RALYL: variants seen among roughly 807,000 people sequenced by gnomAD.
The protein encoded by RALYL is RALY RNA binding protein like, also known as RNA-binding Raly-like protein.
Under a neutral mutation model 35.1 loss-of-function variants are expected in RALYL, and 29 were observed. That is an observed-to-expected ratio of 0.83 (90% CI 0.61 to 1.13). The LOEUF is 1.13. RALYL is among the 50% of genes most tolerant of loss of function. The pLI, the probability that RALYL is intolerant of heterozygous loss-of-function variation, is 0.00. For synonymous variants in RALYL, 120 were observed against 127.6 expected (o/e 0.94, Z 0.40); for missense variants, 359 against 360.4 (o/e 1.00, Z 0.03).
rs1340968779 is a variant in RALYL, at chr8:84,585,077, T to C, written c.256+55500T>C. The stretch of plus-strand genomic sequence containing the variant: ...CCTCACTTGACGTGAGACTTTTAGG[T>C]CAACCTTCTCCCAGCATATGTGCTT... On this transcript the variant is annotated intron_variant, in intron 2 of 8. Coordinates refer to ENST00000521268, the MANE Select transcript of RALYL (RefSeq NM_173848.7). Among the ~76,000 whole-genome samples the C allele has an allele frequency of 2.6e-5, 4 of 152,234 alleles. No individual in the cohort carries two copies. The East Asian group carries it at 7.7e-4, about 29-fold the overall frequency.
chr8:84,306,223 CA>C, intron 1 of RALYL, among the ~76,000 whole-genome samples: 1 of 151,330 alleles, frequency 6.6e-6, no homozygotes, highest in East Asian at 1.9e-4. Context: ...TAATAGTGTT[CA>C]AAATAAGTCT....
At chr8:84,296,921 G>A (rs147034693) in intron 1 of RALYL, among the ~76,000 whole-genome samples, 2,761 of 151,794 alleles carry the variant, frequency 0.018, 37 homozygotes, top group South Asian at 0.029. Flanking sequence ...GTAAATGTAC[G>A]TATGAGAGAG....
intron 8 of RALYL, among the ~76,000 whole-genome samples, chr8:84,891,096 G>A (rs868214514): frequency 6.6e-6 from 1 of 152,172 alleles, no homozygotes; most frequent in East Asian, 1.9e-4. Context: ...TGTTCTATGG[G>A]AGGGAGTGAT....
In RALYL at chr8:84,887,733, A is replaced by C; in HGVS notation, c.815A>C (p.Asp272Ala). 1 of 1,613,874 alleles carries C rather than the reference A, an allele frequency of 6.2e-7. No homozygotes were observed. ...GATGCCGATGGAGAAGAGATGACAG[A>C]TGGGATAGAGGAGGACTTCGATGAA... ...GPDADGEEMT[D>A]GIEEDFDEDG... The change falls in exon 8 of 9, where the codon GAT (aspartate) becomes GCT (alanine). Residue 272 changes from aspartate (D) to alanine (A), a missense_variant. Asp to Ala is a moderately radical substitution (Grantham distance 126). Coordinates refer to ENST00000521268, the MANE Select transcript of RALYL (RefSeq NM_173848.7).
intron 1 of RALYL, among the ~76,000 whole-genome samples, chr8:84,239,602 G>A (rs577802801): frequency 3.5e-4 from 54 of 152,154 alleles, no homozygotes; most frequent in South Asian, 1.2e-3. Flanking sequence ...TTAAGACAGC[G>A]TGGCTCGGTG....
chr8:84,438,527 T>C (rs2047980177), intron 1 of RALYL, among the ~76,000 whole-genome samples: 1 of 152,128 alleles, frequency 6.6e-6, no homozygotes, highest in Non-Finnish European at 1.5e-5. Context: ...TAGATGGGAC[T>C]ACAGGCATAG....
Position 84,769,360 on chromosome 8 carries a change from T to C in RALYL, c.257-5219T>C, listed in dbSNP as rs1001748741. Among the ~76,000 whole-genome samples, 10 of 152,290 alleles carry C rather than the reference T, an allele frequency of 6.6e-5. No homozygotes were observed. In the East Asian group the frequency reaches 1.9e-3, roughly 29 times the overall value. ...ACTCAAATCAGCTTTGAAGCTCTAA[T>C]GGGGTTTCTAATGATCTTCTCACAC... On this transcript the variant is annotated intron_variant, in intron 2 of 8. Transcript: ENST00000521268.
chr8:84,215,188 A>G (rs1820501394), intron 1 of RALYL, among the ~76,000 whole-genome samples: 1 of 152,150 alleles, frequency 6.6e-6, no homozygotes, highest in Non-Finnish European at 1.5e-5. Flanking sequence ...AAAAAGTTCA[A>G]TACTACAACC....
At chr8:84,486,226 C>A (rs1401662926) in intron 1 of RALYL, among the ~76,000 whole-genome samples, 2 of 149,908 alleles carry the variant, frequency 1.3e-5, no homozygotes, top group Admixed American at 6.7e-5. Flanking sequence ...ATCAGAATAG[C>A]CAGGAAATAA....
intron 1 of RALYL, among the ~76,000 whole-genome samples, chr8:84,332,272 T>A (rs1215271377): frequency 6.6e-6 from 1 of 152,192 alleles, no homozygotes; most frequent in Non-Finnish European, 1.5e-5. Context: ...TCACATTACC[T>A]TTCTTTGTTT....
intron 2 of RALYL, among the ~76,000 whole-genome samples, chr8:84,656,718 TGTTAAA>T (rs1466598227): frequency 2.6e-5 from 4 of 151,882 alleles, no homozygotes; most frequent in Non-Finnish European, 2.9e-5. Context: ...TTAGAGTAAT[TGTTAAA>T]GTTAAAGCAT....
intron 2 of RALYL, among the ~76,000 whole-genome samples, chr8:84,639,934 T>A (rs1311891814): frequency 6.6e-6 from 1 of 152,042 alleles, no homozygotes; most frequent in Admixed American, 6.6e-5. Context: ...TACTGTGATG[T>A]GATCTTGGCT....
At chr8:84,830,228 C>T (rs924998297) in intron 4 of RALYL, among the ~76,000 whole-genome samples, 28 of 151,982 alleles carry the variant, frequency 1.8e-4, no homozygotes, top group Admixed American at 8.5e-4. Context: ...AAAAACCCTG[C>T]GAGTATTAAT....
intron 1 of RALYL, among the ~76,000 whole-genome samples, chr8:84,205,327 C>T (rs1326451869): frequency 6.6e-6 from 1 of 152,052 alleles, no homozygotes; most frequent in Non-Finnish European, 1.5e-5. Flanking sequence ...TTTAGTTTTT[C>T]AAGGTCAAAT....
chr8:84,430,282 C>T (rs1310760757), intron 1 of RALYL, among the ~76,000 whole-genome samples: 2 of 152,064 alleles, frequency 1.3e-5, no homozygotes, highest in Non-Finnish European at 2.9e-5. Context: ...GACTCCAAAG[C>T]ATATATTTTC....
intron 2 of RALYL, among the ~76,000 whole-genome samples, chr8:84,683,033 T>C (rs28797853): frequency 0.052 from 7,961 of 152,256 alleles, 469 homozygotes; most frequent in African/African-American, 0.14. Context: ...GAGATTCTGG[T>C]ATGTTGTGTC....
intron 2 of RALYL, among the ~76,000 whole-genome samples, chr8:84,608,791 C>G (rs1817690037): frequency 1.3e-5 from 2 of 152,154 alleles, no homozygotes; most frequent in South Asian, 4.1e-4. Flanking sequence ...GGACCCAGAT[C>G]TGCCACGAAT....
chr8:84,430,549 GA>G (rs1319737665), intron 1 of RALYL, among the ~76,000 whole-genome samples: 1 of 152,000 alleles, frequency 6.6e-6, no homozygotes, highest in Non-Finnish European at 1.5e-5. Context: ...GAGACAATAA[GA>G]ACCACTGGGA....
At chr8:84,526,416 C>T (rs1209836043) in intron 1 of RALYL, among the ~76,000 whole-genome samples, 1 of 152,098 alleles carries the variant, frequency 6.6e-6, no homozygotes, top group Admixed American at 6.5e-5. Flanking sequence ...TAAGGCTCAC[C>T]CTTCTGATGC....
Sources: allele counts gnomAD v4.1 joint callset (sites outside exome capture counted in the v4.1 genomes callset), GRCh38; gene constraint gnomAD v4.1.1; transcripts MANE v1.5; gene names NCBI Gene and HGNC (gene_info 2026-07-23, HGNC 2026-07-21).